YAP1: variants seen among roughly 807,000 people sequenced by gnomAD.
YAP1 encodes Yes1 associated transcriptional regulator.
Under a neutral mutation model 56.9 loss-of-function variants are expected in YAP1, and 5 were observed. The ratio of observed to expected loss-of-function variants is 0.09; its 90% CI spans 0.05 to 0.18. The LOEUF is 0.18. Among genes scored for constraint, YAP1 ranks in the 10% least tolerant of loss-of-function variants. YAP1 has a pLI of 1.00. For synonymous variants in YAP1, 265 were observed against 248.1 expected (o/e 1.07, Z -0.64); for missense variants, 539 against 651.8 (o/e 0.83, Z 1.88).
intron 3 of YAP1, among the ~76,000 whole-genome samples, chr11:102,184,390 G>T (rs1208301948): frequency 6.6e-6 from 1 of 152,148 alleles, no homozygotes; most frequent in Non-Finnish European, 1.5e-5. Flanking sequence ...TGATAAACAG[G>T]TTTGCTTCTC....
chr11:102,111,301 G>T (rs1942886446), intron 1 of YAP1, 132 bp downstream of exon 1: 1 of 1,015,682 alleles, frequency 9.8e-7, no homozygotes, highest in Non-Finnish European at 1.4e-6. Context: ...TGGGGGTCCC[G>T]AGGCGAAGTG....
chr11:102,225,118 C>T lies in YAP1; in HGVS notation c.1163+1366C>T, dbSNP rs140205942. 5.4e-3 allele frequency among the ~76,000 whole-genome samples: 827 copies of T among 151,960 alleles called. 11 individuals are homozygous for T. Among genetic ancestry groups the T allele is most frequent in the African/African-American group, 0.019 (786 of 41,468 alleles). ...TAATCTAAGGGCAGAATTGTATATG[C>T]ATTCTCTGCAGTACCCCCAGTTTCT... On this transcript the variant is annotated intron_variant, in intron 7 of 8. Coordinates refer to ENST00000282441, the MANE Select transcript of YAP1 (RefSeq NM_001130145.3).
At chr11:102,166,083 A>C (rs1186614697) in intron 3 of YAP1, among the ~76,000 whole-genome samples, 1 of 152,234 alleles carries the variant, frequency 6.6e-6, no homozygotes, top group African/African-American at 2.4e-5. Context: ...CCAAAACCAA[A>C]GGCTTTTTAA....
chr11:102,204,209 CA>C (rs1949011693), intron 4 of YAP1, among the ~76,000 whole-genome samples: 1 of 119,282 alleles, frequency 8.4e-6, no homozygotes, highest in Non-Finnish European at 1.7e-5. Flanking sequence ...GCCTAGGCAA[CA>C]TAGTAAGACA....
At chr11:102,219,769 T>C (rs1359981330) in intron 6 of YAP1, among the ~76,000 whole-genome samples, 1 of 151,992 alleles carries the variant, frequency 6.6e-6, no homozygotes, top group Non-Finnish European at 1.5e-5. Flanking sequence ...TTTTGTTTTT[T>C]GTTTTTTGTT....
At chr11:102,184,887 C>T (rs1414152869) in intron 3 of YAP1, among the ~76,000 whole-genome samples, 2 of 152,214 alleles carry the variant, frequency 1.3e-5, no homozygotes, top group Non-Finnish European at 2.9e-5. Context: ...TACTAACTAG[C>T]TTTGGGATCT....
chr11:102,206,521 G>A (rs778301247), intron 5 of YAP1, among the ~76,000 whole-genome samples: 3 of 152,096 alleles, frequency 2.0e-5, no homozygotes, highest in Non-Finnish European at 2.9e-5. Context: ...CGGTATTACC[G>A]AATCTAAGAA....
At chr11:102,169,250 A>G (rs951511471) in intron 3 of YAP1, among the ~76,000 whole-genome samples, 1 of 148,720 alleles carries the variant, frequency 6.7e-6, no homozygotes, top group African/African-American at 2.6e-5. Context: ...TGCCTGGTAT[A>G]AATGTGATAA....
At chr11:102,173,162 G>A (rs571697989) in intron 3 of YAP1, among the ~76,000 whole-genome samples, 1 of 152,282 alleles carries the variant, frequency 6.6e-6, no homozygotes, top group South Asian at 2.1e-4. Flanking sequence ...GGACGAGTGG[G>A]AAGTTAAGTT....
intron 3 of YAP1, among the ~76,000 whole-genome samples, chr11:102,164,072 C>G (rs1946452983): frequency 6.7e-6 from 1 of 149,408 alleles, no homozygotes; most frequent in South Asian, 2.1e-4. Flanking sequence ...GAGTCTCACT[C>G]TGTCACCCAG....
rs762391401 is a variant in YAP1, at chr11:102,210,839, G to A, written c.1032+1275G>A. ...GTGATCTCGGCTCACTGCAAGCTCC[G>A]CCTTCCGGGTTCACACCATTCTCCT... is the stretch of plus-strand genomic sequence containing the variant. On this transcript the variant is annotated intron_variant, in intron 6 of 8. Coordinates refer to ENST00000282441, the MANE Select transcript of YAP1 (RefSeq NM_001130145.3). 6.0e-5 allele frequency among the ~76,000 whole-genome samples: 9 copies of A among 151,092 alleles called. No individual in the cohort carries two copies. The South Asian group carries it at 6.3e-4, about 11-fold the overall frequency.
intron 6 of YAP1, among the ~76,000 whole-genome samples, chr11:102,211,867 C>CA (rs1949421424): frequency 6.6e-6 from 1 of 152,096 alleles, no homozygotes; most frequent in Non-Finnish European, 1.5e-5. Context: ...CTACGCCCAG[C>CA]TAATTTTTTG....
intron 2 of YAP1, among the ~76,000 whole-genome samples, chr11:102,130,976 A>G (rs1394377388): frequency 1.3e-5 from 2 of 152,040 alleles, no homozygotes; most frequent in Non-Finnish European, 2.9e-5. Context: ...TGTAAGTGTC[A>G]TTGTCCTCTG....
intron 2 of YAP1, among the ~76,000 whole-genome samples, chr11:102,129,430 C>T (rs751128153): frequency 2.0e-5 from 3 of 151,722 alleles, no homozygotes; most frequent in Non-Finnish European, 4.4e-5. Context: ...ACTAGCCTGA[C>T]CAACATCGTG....
chr11:102,219,366 GGAT>G (rs1306609669), intron 6 of YAP1, among the ~76,000 whole-genome samples: 1 of 152,126 alleles, frequency 6.6e-6, no homozygotes, highest in Non-Finnish European at 1.5e-5. Flanking sequence ...GCTGTGTTCA[GGAT>G]GTTAAAGACA....
intron 4 of YAP1, among the ~76,000 whole-genome samples, chr11:102,200,105 A>G (rs1404714131): frequency 1.4e-4 from 21 of 152,374 alleles, no homozygotes; most frequent in Middle Eastern, 3.4e-3. Flanking sequence ...CATGTATATA[A>G]CTTACACGTT....
At chr11:102,179,320 G>T (rs555313644) in intron 3 of YAP1, among the ~76,000 whole-genome samples, 43 of 152,242 alleles carry the variant, frequency 2.8e-4, no homozygotes, top group Middle Eastern at 3.4e-3. Flanking sequence ...CAGCTTTCGA[G>T]TGTGTAAAAG....
chr11:102,144,167 A>G (rs1170528109), intron 2 of YAP1, among the ~76,000 whole-genome samples: 1 of 152,202 alleles, frequency 6.6e-6, no homozygotes, highest in Non-Finnish European at 1.5e-5. Context: ...AGAGAAACCA[A>G]TGTTTAATGA....
intron 5 of YAP1, among the ~76,000 whole-genome samples, chr11:102,206,765 C>T (rs1302090068): frequency 6.6e-6 from 1 of 152,196 alleles, no homozygotes; most frequent in African/African-American, 2.4e-5. Context: ...ATCACTTGAG[C>T]TTCGGAGGCA....
Sources: gnomAD v4.1 joint callset for allele counts (sites outside exome capture counted in the v4.1 genomes callset) on GRCh38, gnomAD v4.1.1 for gene constraint, MANE v1.5 for transcripts, NCBI Gene and HGNC (gene_info 2026-07-23, HGNC 2026-07-21) for gene names.